The following RAD54L2 variants were observed in gnomAD, a reference collection of about 807,000 sequenced individuals.
The protein encoded by RAD54L2 is helicase ARIP4.
In RAD54L2, 27 loss-of-function variants were observed where a neutral mutation model predicts 138.4. The observed-to-expected ratio is 0.20, with a 90% confidence interval of 0.14 to 0.27. The LOEUF (loss-of-function observed/expected upper bound fraction) is 0.27. RAD54L2 is among the 10% of genes least tolerant of loss of function. RAD54L2 has a pLI of 1.00. For synonymous variants in RAD54L2, 644 were observed against 723.2 expected, an observed-to-expected ratio of 0.89 and a Z score of 1.76; for missense variants, 1,396 against 1,890.2, an observed-to-expected ratio of 0.74 and a Z score of 4.85.
At chr3:51,639,386 C>T (rs1383755642) in intron 12 of RAD54L2, 33 bp from the exon 13 acceptor site, 4 of 1,605,790 alleles carry the variant, frequency 2.5e-6, no homozygotes, top group Admixed American at 3.4e-5. Context: ...TGTTTTTTGT[C>T]CTGTGTCTCC....
chr3:51,544,755 C>T (rs1185980906), intron 2 of RAD54L2, among the ~76,000 whole-genome samples: 1 of 152,168 alleles, frequency 6.6e-6, no homozygotes, highest in Admixed American at 6.6e-5. Context: ...TATAGGTGCG[C>T]CACCATGCCT....
In RAD54L2 at chr3:51,645,978, T is replaced by C. The variant is rs1422010751; in HGVS notation, c.2829+215T>C. On this transcript the variant is annotated intron_variant, in intron 18 of 22. Transcript: ENST00000684192. This position sits in a 1 kb window ranked among gnomAD's most constrained non-coding sequence, Gnocchi z 6.1. ...CCTGGGAGTGCTAAGGTTAGCCATG[T>C]ATAGTAATTTGGCCAGTGAGTCTTC... 1.3e-5 allele frequency among the ~76,000 whole-genome samples: 2 copies of C among 152,162 alleles called. No homozygotes were observed. Among genetic ancestry groups the C allele is most frequent in the South Asian group, 4.1e-4 (2 of 4,832 alleles).
intron 3 of RAD54L2, among the ~76,000 whole-genome samples, chr3:51,615,062 G>A (rs895851557): frequency 6.6e-6 from 1 of 151,984 alleles, no homozygotes; most frequent in Non-Finnish European, 1.5e-5. Flanking sequence ...TGCCCAGGCT[G>A]TAGTGCAATG....
chr3:51,616,892 T>C (rs1700455843), intron 3 of RAD54L2, among the ~76,000 whole-genome samples: 1 of 152,204 alleles, frequency 6.6e-6, no homozygotes, highest in Admixed American at 6.5e-5. Flanking sequence ...TTTTGGGCTT[T>C]AATTTTCCAG....
rs1355119599 is a variant in RAD54L2, at chr3:51,664,560, G to A, written c.*1140G>A. ...TCTTGTTTATTTGGGGGTGGGGGGAGGTTAGGGGTAAGGAGGGTAGGTGAT... is the reference window on the plus strand; with the variant it reads ...TCTTGTTTATTTGGGGGTGGGGGGAAGTTAGGGGTAAGGAGGGTAGGTGAT... On this transcript the variant is annotated 3_prime_UTR_variant, in exon 23 of 23. Transcript: ENST00000684192. 6.6e-6 allele frequency: 1 copy of A among 152,088 alleles called. No individual in the cohort carries two copies. The highest frequency in any genetic ancestry group is 2.4e-5 in the African/African-American group (1 of 41,400). 9.4% of individuals were successfully genotyped at this position (152,088 alleles called of 1,614,324 possible).
intron 2 of RAD54L2, among the ~76,000 whole-genome samples, chr3:51,551,562 A>G (rs1035447253): frequency 1.3e-5 from 2 of 150,224 alleles, no homozygotes; most frequent in African/African-American, 4.9e-5. Context: ...CAGCCTTCCA[A>G]GTAGCTGGGA....
chr3:51,589,665 C>CATAT (rs34093585), intron 2 of RAD54L2, among the ~76,000 whole-genome samples: 262 of 127,926 alleles, frequency 2.0e-3, no homozygotes, highest in Middle Eastern at 4.0e-3. Flanking sequence ...GGACTCTATA[C>CATAT]ATATATATAT....
intron 2 of RAD54L2, among the ~76,000 whole-genome samples, chr3:51,582,124 C>G (rs1276846008): frequency 6.6e-6 from 1 of 151,962 alleles, no homozygotes; most frequent in Non-Finnish European, 1.5e-5. Context: ...CCAGGCTGGT[C>G]TCAAACTCCT....
intron 7 of RAD54L2, 25 bp downstream of exon 7, chr3:51,630,956 T>C (rs1700824081): frequency 6.3e-7 from 1 of 1,575,626 alleles, no homozygotes. Flanking sequence ...GACTGTTTTC[T>C]CCTTTTCCTT....
chr3:51,575,131 C>T (rs1699437530), intron 2 of RAD54L2, among the ~76,000 whole-genome samples: 1 of 152,116 alleles, frequency 6.6e-6, no homozygotes, highest in Non-Finnish European at 1.5e-5. Context: ...TGTTTTTTGT[C>T]AGGTTTGTCA....
chr3:51,568,575 A>G (rs574547237), intron 2 of RAD54L2, among the ~76,000 whole-genome samples: 2 of 152,234 alleles, frequency 1.3e-5, no homozygotes, highest in South Asian at 4.2e-4. Flanking sequence ...AATGTTGCCA[A>G]CTGTTATAGG....
rs150939983 is a variant in RAD54L2, at chr3:51,663,073, G to A, written c.4057G>A (p.Val1353Ile). Reference sequence around the variant, plus strand: ...TGACCCTCTGGTGCCAGCAGGCCCCGTCAGTTCCTCTTCCACGGCTACCTC... The same window carrying A: ...TGACCCTCTGGTGCCAGCAGGCCCCATCAGTTCCTCTTCCACGGCTACCTC... ...TTDPLVPAGP[V>I]SSSSTATSVT... Residue 1353 changes from valine to isoleucine, a missense_variant, in exon 23 of 23, where the codon GTC becomes ATC. By Grantham distance (29) the Val-to-Ile change is conservative. Around this residue, in one of 7 missense-constraint regions of RAD54L2, gnomAD observed 634 missense variants for 711.2 expected, o/e 0.89. Transcript: ENST00000684192. 5.6e-5 allele frequency: 91 copies of A among 1,613,902 alleles called. No homozygotes were observed. Among genetic ancestry groups the A allele is most frequent in the East Asian group, 2.9e-4 (13 of 44,872 alleles).
rs1037082192 is a variant in RAD54L2 at position 51,664,921 on chromosome 3, G to C, written c.*1501G>C. ...TGAAGCTGTGGATAGGCGGTTGCTG[G>C]GTTGAGGGACTGTTGATTTCATGTT... On this transcript the variant is annotated 3_prime_UTR_variant, in exon 23 of 23. Coordinates refer to ENST00000684192, the MANE Select transcript of RAD54L2 (RefSeq NM_015106.4). 6.6e-6 allele frequency: 1 copy of C among 152,242 alleles called. No individual in the cohort carries two copies. The highest frequency in any genetic ancestry group is 2.4e-5 in the African/African-American group (1 of 41,416). The allele number at this position is 152,242 out of a possible 1,614,324, so 9.4% of individuals were successfully genotyped here.
chr3:51,615,299 G>C (rs917252304), intron 3 of RAD54L2, among the ~76,000 whole-genome samples: 6 of 152,254 alleles, frequency 3.9e-5, no homozygotes, highest in African/African-American at 1.4e-4. Context: ...ATAGGCGTGA[G>C]CCACTGCTCC....
At chr3:51,647,228 G>A (rs1001997428) in intron 19 of RAD54L2, among the ~76,000 whole-genome samples, 1 of 151,748 alleles carries the variant, frequency 6.6e-6, no homozygotes, top group Admixed American at 6.6e-5. Context: ...TTTGTGACAG[G>A]GTGTCACTCT....
intron 3 of RAD54L2, among the ~76,000 whole-genome samples, chr3:51,625,877 A>G (rs1018011550): frequency 7.2e-5 from 11 of 151,908 alleles, no homozygotes; most frequent in African/African-American, 2.7e-4. Context: ...AAAAAAAAAT[A>G]GTGTTAAAGG....
intron 2 of RAD54L2, among the ~76,000 whole-genome samples, chr3:51,563,073 G>C (rs1046525122): frequency 3.3e-5 from 5 of 152,024 alleles, no homozygotes; most frequent in Admixed American, 6.6e-5. Context: ...TGCCTTTCCT[G>C]ACCTGTCGTG....
chr3:51,551,975 C>T (rs1298648185), intron 2 of RAD54L2, among the ~76,000 whole-genome samples: 1 of 152,010 alleles, frequency 6.6e-6, no homozygotes. Context: ...TGATCTCAAT[C>T]TCTTGACCTC....
At chr3:51,657,829 T>A (rs1159928585) in intron 21 of RAD54L2, among the ~76,000 whole-genome samples, 160 bp downstream of exon 21, 2 of 151,840 alleles carry the variant, frequency 1.3e-5, no homozygotes, top group Non-Finnish European at 2.9e-5. Context: ...TTGTAGGAGC[T>A]TAGGGGAGTT....
Sources: allele counts gnomAD v4.1 joint callset (sites outside exome capture counted in the v4.1 genomes callset), GRCh38; gene constraint gnomAD v4.1.1; regional missense constraint gnomAD v4.1.1; non-coding constraint Gnocchi (gnomAD v3.1); transcripts MANE v1.5; gene names NCBI Gene and HGNC (gene_info 2026-07-23, HGNC 2026-07-21).